The following STK17A variants were observed in gnomAD, a reference collection of about 807,000 sequenced individuals.
STK17A encodes serine/threonine kinase 17a.
STK17A carries 26 observed loss-of-function variants against 43.7 expected under a neutral mutation model. That is an observed-to-expected ratio of 0.60 (90% CI 0.44 to 0.83). STK17A has a LOEUF of 0.83. STK17A is among the 40% of genes least tolerant of loss of function. STK17A has a pLI of 0.00. For missense variants in STK17A, 476 were observed against 511.6 expected, an observed-to-expected ratio of 0.93 and a Z score of 0.67; for synonymous variants, 191 against 182.5, an observed-to-expected ratio of 1.05 and a Z score of -0.38.
intron 3 of STK17A, among the ~76,000 whole-genome samples, chr7:43,613,275 G>T (rs1199739474): frequency 6.6e-6 from 1 of 152,040 alleles, no homozygotes; most frequent in Admixed American, 6.6e-5. Flanking sequence ...ACTTGAATTG[G>T]CCCCCCACCA....
intron 1 of STK17A, among the ~76,000 whole-genome samples, chr7:43,587,940 A>C (rs2152970402): frequency 6.6e-6 from 1 of 151,804 alleles, no homozygotes; most frequent in South Asian, 2.1e-4. Flanking sequence ...TAAAATCTTA[A>C]TTTAAAATAC....
At position 43,585,442 on chromosome 7, in the gene STK17A, T is replaced by C. The variant is rs756900617; in HGVS notation, c.206+1993T>C. The stretch of plus-strand genomic sequence containing the variant: ...ATTAGCTTTCCGATCAGGTTTTTTT[T>C]TAAGATTGTGATATCTTCTACATAT... On this transcript the variant is annotated intron_variant, in intron 1 of 6. Coordinates refer to ENST00000319357, the MANE Select transcript of STK17A (RefSeq NM_004760.3). Among the ~76,000 whole-genome samples, 17 of 151,584 alleles carry C rather than the reference T, an allele frequency of 1.1e-4. 2 individuals carry two copies. Among genetic ancestry groups the C allele is most frequent in the Non-Finnish European group, 3.0e-5 (2 of 67,656 alleles).
At chr7:43,599,523 T>A (rs1303712891) in intron 2 of STK17A, among the ~76,000 whole-genome samples, 1 of 152,232 alleles carries the variant, frequency 6.6e-6, no homozygotes, top group Non-Finnish European at 1.5e-5. Context: ...CATCCTTTTT[T>A]GAAGGAACAA....
intron 1 of STK17A, among the ~76,000 whole-genome samples, chr7:43,594,363 A>T (rs548766942): frequency 1.6e-4 from 24 of 152,164 alleles, no homozygotes; most frequent in Non-Finnish European, 3.1e-4. Context: ...TCAGTATCTG[A>T]TAGACTGCCA....
chr7:43,606,606 A>G (rs944493401), intron 2 of STK17A, among the ~76,000 whole-genome samples: 1 of 152,200 alleles, frequency 6.6e-6, no homozygotes, highest in African/African-American at 2.4e-5. Context: ...CTGTAGTTAA[A>G]GATAGAAAAA....
Position 43,607,647 on chromosome 7 carries a change from C to CAAAA in STK17A, c.420-590_420-587dup, listed in dbSNP as rs760624386. Reference sequence around the variant, plus strand: ...CTGGTGACAGAGCAAGACTCCGTCTCAAAAAAAAAAAAAAAAAAAAAAGCA... The same window carrying CAAAA: ...CTGGTGACAGAGCAAGACTCCGTCTCAAAAAAAAAAAAAAAAAAAAAAAAAAGCA... On this transcript the variant is annotated intron_variant, in intron 2 of 6. Coordinates refer to ENST00000319357, the MANE Select transcript of STK17A (RefSeq NM_004760.3). Among the ~76,000 whole-genome samples the CAAAA allele has an allele frequency of 1.6e-3, 86 of 54,200 alleles. 4 individuals are homozygous for CAAAA. Among genetic ancestry groups the CAAAA allele is most frequent in the Admixed American group, 1.8e-3 (8 of 4,486 alleles). The allele number at this position is 54,200 out of a possible 152,430, so 35.6% of individuals were successfully genotyped here. A position where few individuals can be genotyped will look rare whatever the true frequency, so the allele number is the denominator to read the frequency against.
At chr7:43,624,480 TC>T (rs1563170151) in intron 6 of STK17A, 37 bp from the exon 7 acceptor site, 1 of 1,547,332 alleles carries the variant, frequency 6.5e-7, no homozygotes, top group Non-Finnish European at 8.7e-7. Context: ...TAATTGAAGT[TC>T]TAACATGTCT....
chr7:43,611,618 G>A (rs953865421), intron 3 of STK17A, among the ~76,000 whole-genome samples: 19 of 152,148 alleles, frequency 1.2e-4, no homozygotes, highest in South Asian at 4.1e-4. Flanking sequence ...TGCTTCCCTC[G>A]GGAACATTTA....
rs1199942780 is a variant in STK17A, at chr7:43,627,192, T to C, written c.*2350T>C. Among the ~76,000 whole-genome samples, 1 of 152,250 alleles carries C rather than the reference T, an allele frequency of 6.6e-6. No individual in the cohort carries two copies. The highest frequency in any genetic ancestry group is 2.4e-5 in the African/African-American group (1 of 41,462). The stretch of plus-strand genomic sequence containing the variant: ...TGAAATGTATAAAATGTATAAGTTT[T>C]AATCAACTGGGAAATGATATTTGAT... On this transcript the variant is annotated 3_prime_UTR_variant, in exon 7 of 7. Transcript: ENST00000319357.
At chr7:43,616,675 A>T (rs181265192) in intron 3 of STK17A, among the ~76,000 whole-genome samples, 2,144 of 152,264 alleles carry the variant, frequency 0.014, 67 homozygotes, top group African/African-American at 0.049. Flanking sequence ...AGACGGGCGG[A>T]TCACGAGGTC....
intron 1 of STK17A, among the ~76,000 whole-genome samples, chr7:43,595,475 C>T (rs1347716825): frequency 2.0e-5 from 3 of 152,072 alleles, no homozygotes; most frequent in Admixed American, 6.6e-5. Context: ...GACAGGGTTT[C>T]GCCATTTTGG....
chr7:43,598,861 C>T (rs1583552184), intron 2 of STK17A, among the ~76,000 whole-genome samples: 3 of 149,968 alleles, frequency 2.0e-5, no homozygotes, highest in Middle Eastern at 6.8e-3. Flanking sequence ...CCTCCCAGTT[C>T]AAGCAATTCT....
chr7:43,611,259 A>G (rs1376717971), intron 3 of STK17A, among the ~76,000 whole-genome samples: 5 of 152,238 alleles, frequency 3.3e-5, no homozygotes, highest in Non-Finnish European at 5.9e-5. Context: ...CTCGTTTCCT[A>G]CAGAAAAATA....
At chr7:43,614,157 C>T (rs555687203) in intron 3 of STK17A, among the ~76,000 whole-genome samples, 16 of 152,246 alleles carry the variant, frequency 1.1e-4, no homozygotes, top group African/African-American at 3.1e-4. Flanking sequence ...TGATCTTAGC[C>T]GCCAAATCTT....
rs2084338834 is a variant in STK17A at position 43,624,924 on chromosome 7, G to A, written c.*82G>A. The stretch of plus-strand genomic sequence containing the variant: ...ATGGACCTCTGGCCAAATGGTACAT[G>A]TACTGGAAGTGGATAACCAGTATCA... On this transcript the variant is annotated 3_prime_UTR_variant, in exon 7 of 7. Coordinates refer to ENST00000319357, the MANE Select transcript of STK17A (RefSeq NM_004760.3). 7 of 1,219,382 alleles carry A rather than the reference G, an allele frequency of 5.7e-6. No homozygotes were observed. The highest frequency in any genetic ancestry group is 1.5e-5 in the South Asian group (1 of 64,858). The allele number at this position is 1,219,382 out of a possible 1,614,324, so 75.5% of individuals were successfully genotyped here.
At chr7:43,617,306 G>C (rs1191022156) in intron 3 of STK17A, among the ~76,000 whole-genome samples, 1 of 152,194 alleles carries the variant, frequency 6.6e-6, no homozygotes, top group Non-Finnish European at 1.5e-5. Flanking sequence ...TAATACAAAA[G>C]AACCTTCTGG....
Position 43,625,208 on chromosome 7 carries a change from T to G in STK17A, c.*366T>G, listed in dbSNP as rs2084375142. ...ACACTTCTGTAAATCTCTTGCATTA[T>G]TCATATGTGTATCTATATCTGCATA... On this transcript the variant is annotated 3_prime_UTR_variant, in exon 7 of 7. Coordinates refer to ENST00000319357, the MANE Select transcript of STK17A (RefSeq NM_004760.3). 5.6e-6 allele frequency: 1 copy of G among 177,270 alleles called. No individual in the cohort carries two copies. The highest frequency in any genetic ancestry group is 2.4e-5 in the African/African-American group (1 of 41,958). The allele number at this position is 177,270 out of a possible 1,614,324, so 11.0% of individuals were successfully genotyped here.
At chr7:43,605,534 A>G (rs945737107) in intron 2 of STK17A, among the ~76,000 whole-genome samples, 14 of 152,094 alleles carry the variant, frequency 9.2e-5, no homozygotes, top group Non-Finnish European at 2.9e-5. Context: ...TAAGACTTCA[A>G]AGTACTATTG....
At chr7:43,590,804 A>G (rs941643085) in intron 1 of STK17A, among the ~76,000 whole-genome samples, 1 of 151,360 alleles carries the variant, frequency 6.6e-6, no homozygotes, top group Non-Finnish European at 1.5e-5. Context: ...GGACTCAATA[A>G]CCTAAAGTTA....
Sources: gnomAD v4.1 joint callset for allele counts (sites outside exome capture counted in the v4.1 genomes callset) on GRCh38, gnomAD v4.1.1 for gene constraint, MANE v1.5 for transcripts, NCBI Gene and HGNC (gene_info 2026-07-23, HGNC 2026-07-21) for gene names.